The following BMPR1B variants were observed in gnomAD, a reference collection of about 807,000 sequenced individuals.
The protein encoded by BMPR1B is bone morphogenetic protein receptor type-1B.
In BMPR1B, 12 loss-of-function variants were observed where a neutral mutation model predicts 59.1. The ratio of observed to expected loss-of-function variants is 0.20; its 90% CI spans 0.13 to 0.33. BMPR1B has a LOEUF of 0.33. BMPR1B is among the 10% of genes least tolerant of loss of function. The pLI, the probability that BMPR1B is intolerant of heterozygous loss-of-function variation, is 1.00. For synonymous variants in BMPR1B, 237 were observed against 207.3 expected (o/e 1.14, Z -1.23); for missense variants, 550 against 610.9 (o/e 0.90, Z 1.05).
At chr4:95,117,388 C>T (rs1050629365) in intron 6 of BMPR1B, among the ~76,000 whole-genome samples, 1 of 152,208 alleles carries the variant, frequency 6.6e-6, no homozygotes. Context: ...TAAACAGATG[C>T]AGTAGTTAAG....
chr4:94,986,784 G>T (rs1230801280), intron 2 of BMPR1B, among the ~76,000 whole-genome samples: 1 of 151,972 alleles, frequency 6.6e-6, no homozygotes, highest in African/African-American at 2.4e-5. Context: ...GCTCACGCCT[G>T]TAACCCCGGC....
rs1553912364 is a variant in BMPR1B, at chr4:94,849,793, GGTGTGT to G, written c.-182-26015_-182-26010del. On this transcript the variant is annotated intron_variant, in intron 1 of 12. Coordinates refer to ENST00000515059, the MANE Select transcript of BMPR1B (RefSeq NM_001203.3). ...CATAATAAGGTAGGAGGGGTTTTTT[GGTGTGT>G]GTGTGTGTGTGTGTGTGTGTGTTTT... is the stretch of plus-strand genomic sequence containing the variant. Among the ~76,000 whole-genome samples, 59 of 26,928 alleles carry G rather than the reference GGTGTGT, an allele frequency of 2.2e-3. No homozygotes were observed. The South Asian group carries it at 0.074, about 34-fold the overall frequency. 17.7% of individuals were successfully genotyped at this position (26,928 alleles called of 152,430 possible).
chr4:95,080,374 T>C (rs1272017193), intron 3 of BMPR1B, among the ~76,000 whole-genome samples: 5 of 152,080 alleles, frequency 3.3e-5, no homozygotes, highest in Admixed American at 6.5e-5. Context: ...GTAGCAGGGA[T>C]TACAGGTGTC....
intron 1 of BMPR1B, among the ~76,000 whole-genome samples, chr4:94,817,106 G>A (rs1433900802): frequency 6.6e-6 from 1 of 152,144 alleles, no homozygotes; most frequent in Non-Finnish European, 1.5e-5. Context: ...GCAGAAACAA[G>A]GCTCCATCTT....
intron 2 of BMPR1B, among the ~76,000 whole-genome samples, chr4:94,914,080 T>G (rs1728388553): frequency 6.6e-6 from 1 of 152,128 alleles, no homozygotes; most frequent in Admixed American, 6.6e-5. Flanking sequence ...TAGAGGTTTA[T>G]TTCACTAATA....
intron 3 of BMPR1B, among the ~76,000 whole-genome samples, chr4:95,047,474 A>G (rs1311251776): frequency 6.6e-6 from 1 of 152,212 alleles, no homozygotes; most frequent in Non-Finnish European, 1.5e-5. Flanking sequence ...GGTAGACCAC[A>G]GAGGTGAAGT....
In BMPR1B at chr4:95,062,206, C is replaced by T. The variant is rs146716622; in HGVS notation, c.-17-42202C>T. ...CCACAGGAGCATTTTATTTAAGAAA[C>T]AGGTTACAAAACATTCCCTACCATC... On this transcript the variant is annotated intron_variant, in intron 3 of 12. Coordinates refer to ENST00000515059, the MANE Select transcript of BMPR1B (RefSeq NM_001203.3). Among the ~76,000 whole-genome samples, 559 of 152,064 alleles carry T rather than the reference C, an allele frequency of 3.7e-3. 5 individuals are homozygous for T. Among genetic ancestry groups the T allele is most frequent in the African/African-American group, 0.013 (543 of 41,482 alleles).
chr4:95,036,188 G>A (rs761846345), intron 3 of BMPR1B, among the ~76,000 whole-genome samples: 1 of 151,996 alleles, frequency 6.6e-6, no homozygotes, highest in Non-Finnish European at 1.5e-5. Flanking sequence ...TCGTATCAGG[G>A]CAAATGGGGT....
intron 1 of BMPR1B, among the ~76,000 whole-genome samples, chr4:94,806,067 A>G (rs189619862): frequency 1.2e-4 from 19 of 152,246 alleles, no homozygotes; most frequent in Admixed American, 3.3e-4. Context: ...ATCAACAAAT[A>G]TTTTTCCAAG....
At chr4:94,847,455 A>C (rs976130426) in intron 1 of BMPR1B, among the ~76,000 whole-genome samples, 2 of 152,184 alleles carry the variant, frequency 1.3e-5, no homozygotes, top group African/African-American at 4.8e-5. Flanking sequence ...AAAGAAAGGA[A>C]ATCAGTGTTA....
At chr4:95,044,873 G>A (rs13146146) in intron 3 of BMPR1B, among the ~76,000 whole-genome samples, 42,429 of 151,642 alleles carry the variant, frequency 0.28, 6,623 homozygotes, top group South Asian at 0.43. Context: ...TCTATTGTTA[G>A]TTTTTTTTTC....
chr4:94,941,104 G>A (rs1009145518), intron 2 of BMPR1B, among the ~76,000 whole-genome samples: 8 of 151,866 alleles, frequency 5.3e-5, no homozygotes, highest in Admixed American at 5.3e-4. Flanking sequence ...GTTGTAAAAC[G>A]GGCCTCCTGG....
chr4:94,850,624 A>G (rs1303521011), intron 1 of BMPR1B, among the ~76,000 whole-genome samples: 2 of 152,178 alleles, frequency 1.3e-5, no homozygotes, highest in Admixed American at 6.5e-5. Flanking sequence ...TTGAATTTCT[A>G]TCCTTCATCC....
chr4:94,771,154 G>A lies in BMPR1B; in HGVS notation c.-183+13086G>A, dbSNP rs367965547. On this transcript the variant is annotated intron_variant, in intron 1 of 12. Transcript: ENST00000515059. The stretch of plus-strand genomic sequence containing the variant: ...AGATATACACACACATACAAACCCC[G>A]AGAGGCTACGGTGGTTTTCTTTTAT... Among the ~76,000 whole-genome samples the A allele has an allele frequency of 9.9e-5, 15 of 152,230 alleles. No homozygotes were observed. In the South Asian group the frequency reaches 1.9e-3, roughly 19 times the overall value.
In BMPR1B at chr4:94,881,070, G is replaced by A. The variant is rs532547659; in HGVS notation, c.-113+5170G>A. Among the ~76,000 whole-genome samples, 4 of 152,168 alleles carry A rather than the reference G, an allele frequency of 2.6e-5. No homozygotes were observed. In the South Asian group the frequency reaches 8.3e-4, roughly 32 times the overall value. ...GGCAAAATGTGTATACCATAAAATG[G>A]ACAATTTTAACCATTTTCAAGTATG... is the stretch of plus-strand genomic sequence containing the variant. On this transcript the variant is annotated intron_variant, in intron 2 of 12. Transcript: ENST00000515059.
intron 2 of BMPR1B, among the ~76,000 whole-genome samples, chr4:94,979,008 T>G (rs1293115484): frequency 4.6e-5 from 7 of 151,798 alleles, no homozygotes; most frequent in Non-Finnish European, 1.5e-5. Context: ...TTGTCATCAT[T>G]TTAGCTCATA....
chr4:95,131,897 TG>T (rs902547507), intron 10 of BMPR1B, among the ~76,000 whole-genome samples: 1 of 152,234 alleles, frequency 6.6e-6, no homozygotes, highest in African/African-American at 2.4e-5. Context: ...AAAGATAACT[TG>T]CATAGATGTT....
chr4:94,968,836 A>G (rs1201219801), intron 2 of BMPR1B, among the ~76,000 whole-genome samples: 1 of 152,066 alleles, frequency 6.6e-6, no homozygotes, highest in Non-Finnish European at 1.5e-5. Context: ...TATGTAGGAA[A>G]AAGATAGGGA....
At chr4:94,875,490 C>T (rs563891251) in intron 1 of BMPR1B, among the ~76,000 whole-genome samples, 99 of 152,260 alleles carry the variant, frequency 6.5e-4, no homozygotes, top group African/African-American at 2.4e-3. Context: ...TGAGACCATC[C>T]TGGCTAACAC....
Sources: gnomAD v4.1 joint callset for allele counts (sites outside exome capture counted in the v4.1 genomes callset) on GRCh38, gnomAD v4.1.1 for gene constraint, MANE v1.5 for transcripts, NCBI Gene and HGNC (gene_info 2026-07-23, HGNC 2026-07-21) for gene names.